The following CRACD variants were observed in gnomAD, a reference collection of about 807,000 sequenced individuals.
CRACD encodes the protein capping protein inhibiting regulator of actin dynamics, also known as capping protein-inhibiting regulator of actin dynamics.
A neutral mutation model predicts 106.8 loss-of-function variants in CRACD; 56 were observed. The observed-to-expected ratio is 0.52, with a 90% CI of 0.42 to 0.66. The LOEUF (loss-of-function observed/expected upper bound fraction) is 0.66. Among genes scored for constraint, CRACD ranks in the 30% least tolerant of loss-of-function variants. The pLI is 0.00. For synonymous variants in CRACD, 754 were observed against 670.8 expected, an observed-to-expected ratio of 1.12 and a Z score of -1.92; for missense variants, 1,730 against 1,623.2, an observed-to-expected ratio of 1.07 and a Z score of -1.13.
chr4:56,071,205 A>G (rs1188464722), intron 1 of CRACD, among the ~76,000 whole-genome samples: 1 of 152,196 alleles, frequency 6.6e-6, no homozygotes, highest in East Asian at 1.9e-4. Flanking sequence ...GCCCTAGGAT[A>G]AACTTAAGAT....
Position 56,315,711 on chromosome 4 carries a change from A to G in CRACD, c.2209A>G (p.Lys737Glu). 1 of 1,614,226 alleles carries G rather than the reference A, an allele frequency of 6.2e-7. No individual in the cohort carries two copies. Among genetic ancestry groups the G allele is most frequent in the Non-Finnish European group, 8.5e-7 (1 of 1,180,048 alleles). Residue 737 changes from lysine to glutamate, a missense_variant, in exon 8 of 11, where the codon AAA (lysine) becomes GAA (glutamate). Coordinates refer to ENST00000682029, the MANE Select transcript of CRACD (RefSeq NM_001393381.1). The surrounding 1 kb of genome is among the most constrained non-coding windows in gnomAD (Gnocchi z 4.1). ...KFSDGGTETSKQSTEAESIRK... is the reference protein window; with the variant it reads ...KFSDGGTETSEQSTEAESIRK... The stretch of plus-strand genomic sequence containing the variant: ...TTCCGATGGTGGCACGGAGACCTCC[A>G]AACAGAGCACGGAAGCTGAAAGCAT...
chr4:56,316,018 A>T lies in CRACD; in HGVS notation c.2516A>T (p.Glu839Val). 1 of 1,614,208 alleles carries T rather than the reference A, an allele frequency of 6.2e-7. No homozygotes were observed. The highest frequency in any genetic ancestry group is 8.5e-7 in the Non-Finnish European group (1 of 1,180,034). The change falls in exon 8 of 11, where the codon GAG (glutamate) becomes GTG (valine). Residue 839 changes from glutamate (E) to valine (V), a missense_variant. Coordinates refer to ENST00000682029, the MANE Select transcript of CRACD (RefSeq NM_001393381.1). ...CCAGACCCTGTGATGCCAGGTGGAG[A>T]GGAAAAAGCCTCACCGTTTGGAATA... ...AKPDPVMPGG[E>V]EKASPFGIKL...
At chr4:56,300,975 T>A (rs529510296) in intron 4 of CRACD, among the ~76,000 whole-genome samples, 2 of 152,238 alleles carry the variant, frequency 1.3e-5, no homozygotes, top group Non-Finnish European at 2.9e-5. Flanking sequence ...TAAAGCAGAA[T>A]AACTGTTTAA....
chr4:56,261,156 G>A (rs550168034), intron 2 of CRACD, among the ~76,000 whole-genome samples: 11 of 152,258 alleles, frequency 7.2e-5, no homozygotes, highest in Admixed American at 3.3e-4. Context: ...GCTGCAAGGC[G>A]AAGTAGCAGG....
chr4:56,196,336 T>C (rs1737609237), intron 2 of CRACD: 1 of 152,950 alleles, frequency 6.5e-6, no homozygotes, highest in South Asian at 2.1e-4. Context: ...CTGTACTTTT[T>C]ATTTCAGTGA....
At chr4:56,269,402 T>A (rs929159275) in intron 2 of CRACD, among the ~76,000 whole-genome samples, 13 of 149,972 alleles carry the variant, frequency 8.7e-5, no homozygotes, top group South Asian at 2.1e-4. Flanking sequence ...AAAAAAAAAA[T>A]TTAATTGGTC....
intron 2 of CRACD, among the ~76,000 whole-genome samples, chr4:56,184,441 A>G (rs915190832): frequency 8.5e-5 from 13 of 152,188 alleles, no homozygotes; most frequent in African/African-American, 2.9e-4. Context: ...AATTAAAACG[A>G]CACTTAGTCT....
intron 1 of CRACD, among the ~76,000 whole-genome samples, chr4:56,155,648 C>T (rs1016848347): frequency 5.9e-5 from 9 of 152,292 alleles, no homozygotes; most frequent in South Asian, 2.1e-4. Flanking sequence ...TTCAAACCTA[C>T]GCTGTCTAGC....
chr4:56,231,311 G>A (rs574867817), intron 2 of CRACD, among the ~76,000 whole-genome samples: 18 of 152,290 alleles, frequency 1.2e-4, no homozygotes, highest in African/African-American at 4.3e-4. Flanking sequence ...CACATTGCTC[G>A]ATGCCTGGAC....
At chr4:56,309,631 G>A (rs11723782) in intron 5 of CRACD, among the ~76,000 whole-genome samples, 125,683 of 152,084 alleles carry the variant, frequency 0.83, 52,294 homozygotes, top group Non-Finnish European at 0.88. Flanking sequence ...AGGTGGGCGG[G>A]TCACCTGAAC....
intron 1 of CRACD, among the ~76,000 whole-genome samples, chr4:56,087,844 A>G (rs1226917347): frequency 1.3e-5 from 2 of 152,066 alleles, no homozygotes; most frequent in Non-Finnish European, 2.9e-5. Flanking sequence ...ACATCTTCCT[A>G]AGGAGTGTGT....
At chr4:56,088,694 A>C (rs1733313983) in intron 1 of CRACD, among the ~76,000 whole-genome samples, 1 of 152,050 alleles carries the variant, frequency 6.6e-6, no homozygotes, top group African/African-American at 2.4e-5. Context: ...ACTACTACTA[A>C]TAATTGAATA....
intron 4 of CRACD, among the ~76,000 whole-genome samples, chr4:56,303,567 A>G (rs961537549): frequency 2.6e-5 from 4 of 152,246 alleles, no homozygotes; most frequent in Non-Finnish European, 4.4e-5. Flanking sequence ...GTCAATTCAC[A>G]TGACACCTGA....
intron 1 of CRACD, among the ~76,000 whole-genome samples, chr4:56,052,804 C>A (rs1731920429): frequency 6.6e-6 from 1 of 152,146 alleles, no homozygotes; most frequent in Non-Finnish European, 1.5e-5. Flanking sequence ...GCCCTCTTAA[C>A]CCCCATGGTT....
intron 1 of CRACD, among the ~76,000 whole-genome samples, chr4:56,164,110 A>G (rs1376712111): frequency 6.6e-6 from 1 of 150,940 alleles, no homozygotes; most frequent in African/African-American, 2.4e-5. Flanking sequence ...AGTTTCAGAC[A>G]TATACTTTTG....
At chr4:56,159,645 C>T (rs1259854379) in intron 1 of CRACD, among the ~76,000 whole-genome samples, 2 of 152,116 alleles carry the variant, frequency 1.3e-5, no homozygotes, top group African/African-American at 2.4e-5. Flanking sequence ...GAGCGAGACT[C>T]CTTCTCAAAA....
chr4:56,117,222 C>T (rs983808266), intron 1 of CRACD, among the ~76,000 whole-genome samples: 5 of 151,908 alleles, frequency 3.3e-5, no homozygotes, highest in South Asian at 4.1e-4. Flanking sequence ...GGGGTTTCAC[C>T]GTGTTAGCCA....
chr4:56,325,981 G>A (rs775688155), intron 10 of CRACD, among the ~76,000 whole-genome samples: 2 of 152,164 alleles, frequency 1.3e-5, no homozygotes, highest in Non-Finnish European at 1.5e-5. Flanking sequence ...GCGCCATCTC[G>A]GCTCACTGCA....
intron 1 of CRACD, among the ~76,000 whole-genome samples, chr4:56,077,110 T>C (rs144807702): frequency 9.2e-5 from 14 of 152,262 alleles, no homozygotes; most frequent in African/African-American, 3.4e-4. Context: ...CTGCTAGAAA[T>C]GTGCTACCCA....
Sources: gnomAD v4.1 joint callset for allele counts (sites outside exome capture counted in the v4.1 genomes callset) on GRCh38, gnomAD v4.1.1 for gene constraint, Gnocchi (gnomAD v3.1) non-coding constraint, MANE v1.5 for transcripts, NCBI Gene and HGNC (gene_info 2026-07-23, HGNC 2026-07-21) for gene names.